Variants in MACROD2 observed in about 807,000 individuals in gnomAD.
MACROD2 encodes ADP-ribose glycohydrolase MACROD2.
In MACROD2, 36 loss-of-function variants were observed where a neutral mutation model predicts 70.4. The observed-to-expected ratio is 0.51, with a 90% CI of 0.39 to 0.68. The LOEUF (loss-of-function observed/expected upper bound fraction) is 0.68, where lower values mean the gene tolerates loss of function less well. MACROD2 is among the 30% of genes least tolerant of loss of function. The pLI, the probability that MACROD2 is intolerant of heterozygous loss-of-function variation, is 0.00. For synonymous variants in MACROD2, 172 were observed against 178.8 expected (o/e 0.96, Z 0.30); for missense variants, 496 against 538.4 (o/e 0.92, Z 0.78).
chr20:15,999,303 T>A (rs1235038228), intron 15 of MACROD2, among the ~76,000 whole-genome samples: 1 of 152,226 alleles, frequency 6.6e-6, no homozygotes, highest in Non-Finnish European at 1.5e-5. Flanking sequence ...CCAAAATTCT[T>A]CCTGTTATTG....
intron 7 of MACROD2, among the ~76,000 whole-genome samples, chr20:15,479,552 C>T (rs1215764415): frequency 2.0e-5 from 3 of 152,028 alleles, no homozygotes; most frequent in African/African-American, 7.2e-5. Context: ...GGATTACAGG[C>T]GTGAGCCACC....
At chr20:15,256,648 T>C (rs887607927) in intron 6 of MACROD2, among the ~76,000 whole-genome samples, 3 of 151,964 alleles carry the variant, frequency 2.0e-5, no homozygotes, top group African/African-American at 7.2e-5. Flanking sequence ...AAATAAATGT[T>C]CCAGCCAGCA....
intron 5 of MACROD2, among the ~76,000 whole-genome samples, chr20:14,984,853 C>T (rs143590156): frequency 2.0e-5 from 3 of 152,244 alleles, no homozygotes; most frequent in South Asian, 4.2e-4. Context: ...TTGTACTCTG[C>T]TCACCCTGCT....
chr20:14,747,502 T>A (rs886616485), intron 5 of MACROD2, among the ~76,000 whole-genome samples: 1 of 152,124 alleles, frequency 6.6e-6, no homozygotes, highest in Non-Finnish European at 1.5e-5. Context: ...TCTGCCACCC[T>A]CTCTTCCCCT....
At chr20:14,724,440 A>C (rs1261717741) in intron 5 of MACROD2, among the ~76,000 whole-genome samples, 1 of 152,198 alleles carries the variant, frequency 6.6e-6, no homozygotes, top group Non-Finnish European at 1.5e-5. Flanking sequence ...ATGCCCCATA[A>C]GAGAAAATTC....
At chr20:15,134,463 C>G (rs374787078) in intron 5 of MACROD2, among the ~76,000 whole-genome samples, 69 of 152,004 alleles carry the variant, frequency 4.5e-4, no homozygotes, top group African/African-American at 1.6e-3. Context: ...GCTCCTGAAT[C>G]ACTACTGGGT....
rs1194312497 is a variant in MACROD2, at chr20:14,206,659, T to C, written c.271+120931T>C. Among the ~76,000 whole-genome samples, 8 of 151,410 alleles carry C rather than the reference T, an allele frequency of 5.3e-5. No homozygotes were observed. The East Asian group carries it at 1.5e-3, about 29-fold the overall frequency. On this transcript the variant is annotated intron_variant, in intron 3 of 17. Transcript: ENST00000684519. ...TTCATCCCACCATCCCATGAGGCTT[T>C]TTTTTTTTTTTAAGTCAGTTACTTG...
intron 4 of MACROD2, among the ~76,000 whole-genome samples, chr20:14,567,637 T>A (rs1329430033): frequency 6.6e-6 from 1 of 152,060 alleles, no homozygotes; most frequent in African/African-American, 2.4e-5. Context: ...ATTATTTTGA[T>A]GGTTGGCTCC....
intron 6 of MACROD2, among the ~76,000 whole-genome samples, chr20:15,290,332 A>G (rs1422051471): frequency 6.6e-6 from 1 of 152,156 alleles, no homozygotes; most frequent in Non-Finnish European, 1.5e-5. Flanking sequence ...AGTCTTTACC[A>G]GCCTCACTTT....
rs193119552 is a variant in MACROD2 at position 15,219,902 on chromosome 20, A to G, written c.419-10038A>G. Among the ~76,000 whole-genome samples the G allele has an allele frequency of 3.5e-3, 534 of 150,860 alleles. 1 individual carries two copies. The highest frequency in any genetic ancestry group is 6.2e-3 in the Non-Finnish European group (417 of 67,710). Reference sequence around the variant, plus strand: ...GCAGATTTATTCTAAAATGAGCAATATGCAGATGAGGGAAATGACAGGTTT... The same window carrying G: ...GCAGATTTATTCTAAAATGAGCAATGTGCAGATGAGGGAAATGACAGGTTT... On this transcript the variant is annotated intron_variant, in intron 5 of 17. Transcript: ENST00000684519.
chr20:15,537,772 C>A, intron 8 of MACROD2, among the ~76,000 whole-genome samples: 1 of 152,156 alleles, frequency 6.6e-6, no homozygotes, highest in Non-Finnish European at 1.5e-5. Context: ...CCATGCCAGG[C>A]CCCACTTACC....
intron 8 of MACROD2, among the ~76,000 whole-genome samples, chr20:15,839,925 C>A (rs4814405): frequency 2.0e-5 from 3 of 152,138 alleles, no homozygotes; most frequent in East Asian, 3.9e-4. Flanking sequence ...CCTCAGTTCC[C>A]TCATCTATGA....
At chr20:14,528,914 T>A (rs2085269861) in intron 4 of MACROD2, among the ~76,000 whole-genome samples, 1 of 152,210 alleles carries the variant, frequency 6.6e-6, no homozygotes, top group Admixed American at 6.5e-5. Context: ...GGGTCTTATG[T>A]AATAATAACT....
intron 8 of MACROD2, among the ~76,000 whole-genome samples, chr20:15,811,042 C>T (rs1600929447): frequency 1.3e-5 from 2 of 150,546 alleles, no homozygotes; most frequent in African/African-American, 2.4e-5. Flanking sequence ...GACTTCATGT[C>T]TAAAACACCA....
intron 3 of MACROD2, among the ~76,000 whole-genome samples, chr20:14,272,708 T>C (rs2082207883): frequency 6.6e-6 from 1 of 151,830 alleles, no homozygotes; most frequent in Non-Finnish European, 1.5e-5. Context: ...GCAAATTGGA[T>C]AAAGAGTCAA....
intron 5 of MACROD2, among the ~76,000 whole-genome samples, chr20:14,949,944 G>T (rs2074462250): frequency 6.6e-6 from 1 of 152,130 alleles, no homozygotes. Context: ...CACCGAGTTA[G>T]TCTGTGGTCA....
intron 3 of MACROD2, 119 bp downstream of exon 3, chr20:14,085,847 C>T (rs1197994127): frequency 1.9e-6 from 1 of 539,654 alleles, no homozygotes; most frequent in African/African-American, 2.0e-5. Flanking sequence ...AATGTCTATT[C>T]TGTTTCTCTT....
At chr20:15,909,592 C>T (rs1032155684) in intron 10 of MACROD2, among the ~76,000 whole-genome samples, 4 of 133,636 alleles carry the variant, frequency 3.0e-5, no homozygotes, top group South Asian at 2.5e-4. Context: ...GGCGGGATCT[C>T]GGCTCACTGC....
intron 4 of MACROD2, among the ~76,000 whole-genome samples, chr20:14,594,217 TTC>T (rs1378894462): frequency 4.6e-5 from 7 of 152,200 alleles, no homozygotes; most frequent in Non-Finnish European, 7.3e-5. Flanking sequence ...GCAGTTTGTT[TTC>T]TCTGTTTTCT....
Sources: gnomAD v4.1 joint callset for allele counts (sites outside exome capture counted in the v4.1 genomes callset) on GRCh38, gnomAD v4.1.1 for gene constraint, MANE v1.5 for transcripts, NCBI Gene and HGNC (gene_info 2026-07-23, HGNC 2026-07-21) for gene names.